The following ZNF611 variants were observed in gnomAD, a reference collection of about 807,000 sequenced individuals.
The protein encoded by ZNF611 is zinc finger protein 611.
ZNF611 carries 6 observed loss-of-function variants against 8.9 expected under a neutral mutation model. The observed-to-expected ratio is 0.68, with a 90% CI of 0.37 to 1.34. The LOEUF is 1.34. ZNF611 is among the 40% of genes most tolerant of loss of function. The pLI, the probability that ZNF611 is intolerant of heterozygous loss-of-function variation, is 0.02. For synonymous variants in ZNF611, 262 were observed against 279.7 expected, an observed-to-expected ratio of 0.94 and a Z score of 0.63; for missense variants, 874 against 841.3, an observed-to-expected ratio of 1.04 and a Z score of -0.48.
chr19:52,705,890 T>C lies in ZNF611; in HGVS notation c.1165A>G (p.Lys389Glu), dbSNP rs767942045. The C allele has an allele frequency of 6.2e-7, 1 of 1,614,112 alleles. No individual in the cohort carries two copies. Among genetic ancestry groups the C allele is most frequent in the Non-Finnish European group, 8.5e-7 (1 of 1,179,938 alleles). Residue 389 changes from lysine (K) to glutamate (E), a missense_variant, in exon 6 of 6, where the codon AAG becomes GAG. Coordinates refer to ENST00000652185, the MANE Select transcript of ZNF611 (RefSeq NM_001161499.2). ...FSRKSTIETH[K>E]RIHTGEKPYR... ...GGTTTCTCTCCAGTATGAATTCTCT[T>C]ATGTGTCTCAATGGTTGATTTCCGA... is the stretch of plus-strand genomic sequence containing the variant.
chr19:52,717,758 A>AT, intron 3 of ZNF611: 2 of 893,288 alleles, frequency 2.2e-6, no homozygotes, highest in Non-Finnish European at 2.7e-6. Context: ...ACAGATCACC[A>AT]TTTTTTCAGA....
chr19:52,728,641 A>G (rs902992505), intron 3 of ZNF611, 89 bp downstream of exon 3: 1 of 152,200 alleles, frequency 6.6e-6, no homozygotes, highest in Non-Finnish European at 1.5e-5. Context: ...AAATGAAAGG[A>G]AAGAAAATCT....
At chr19:52,731,828 G>T (rs563292858) in intron 1 of ZNF611, among the ~76,000 whole-genome samples, 1 of 152,044 alleles carries the variant, frequency 6.6e-6, no homozygotes, top group East Asian at 1.9e-4. Flanking sequence ...AAAATTAGCC[G>T]AGCGTGGTGG....
At chr19:52,722,549 C>T (rs1229162258) in intron 3 of ZNF611, among the ~76,000 whole-genome samples, 2 of 152,130 alleles carry the variant, frequency 1.3e-5, no homozygotes, top group African/African-American at 4.8e-5. Context: ...ATAGGGATTC[C>T]AAGTGGAAGC....
chr19:52,716,133 C>T, intron 3 of ZNF611: 1 of 525,440 alleles, frequency 1.9e-6, no homozygotes, highest in East Asian at 3.2e-5. Context: ...GAAGCCACCA[C>T]ACACGAGGCA....
chr19:52,705,487 G>C lies in ZNF611; in HGVS notation c.1568C>G (p.Ser523Ter). ...ACCTATCTTATGTGTCTCAAGGCTT[G>C]ATTTACGACTGAAAACCTTTTCACA... is the stretch of plus-strand genomic sequence containing the variant. ...DECEKVFSRK[S>*]SLETHKIGHT... is the part of the protein sequence containing the mutation. The change falls in exon 6 of 6, where the codon TCA (serine) becomes TGA (stop). Residue 523 changes from serine to a stop codon, truncating the protein, a stop_gained. Transcript: ENST00000652185. LOFTEE classifies it low-confidence loss of function (END_TRUNC). The C allele has an allele frequency of 1.2e-6, 2 of 1,614,132 alleles. No homozygotes were observed. The highest frequency in any genetic ancestry group is 1.7e-6 in the Non-Finnish European group (2 of 1,180,024).
rs2062243991 is a variant in ZNF611, at chr19:52,706,291, C to T, written c.764G>A (p.Gly255Glu). 1.2e-6 allele frequency: 2 copies of T among 1,614,096 alleles called. No homozygotes were observed. The highest frequency in any genetic ancestry group is 1.7e-6 in the Non-Finnish European group (2 of 1,180,016). ...TACATCACATTTATATTGTTTGTCT[C>T]CTAAATGGGGTATCTGGTGTTTCCT... The part of the protein sequence containing the change: ...LLRKHQIPHL[G>E]DKQYKCDVCG... Residue 255 changes from glycine (G) to glutamate (E), a missense_variant, in exon 6 of 6, where the codon GGA becomes GAA. Coordinates refer to ENST00000652185, the MANE Select transcript of ZNF611 (RefSeq NM_001161499.2).
In ZNF611 at chr19:52,704,894, GGT is replaced by G. The variant is rs749593189; in HGVS notation, c.*41_*42del. 6.2e-7 allele frequency: 1 copy of G among 1,611,434 alleles called. No homozygotes were observed. Among genetic ancestry groups the G allele is most frequent in the Non-Finnish European group, 8.5e-7 (1 of 1,178,716 alleles). ...AGTATAAATTCTCCTATGTCTTTAA[GGT>G]GTGATTTCCAAATGGAAACTTTGTC... On this transcript the variant is annotated 3_prime_UTR_variant, in exon 6 of 6. Coordinates refer to ENST00000652185, the MANE Select transcript of ZNF611 (RefSeq NM_001161499.2).
At chr19:52,714,299 C>T (rs538364432) in intron 4 of ZNF611, among the ~76,000 whole-genome samples, 158 bp from the exon 5 acceptor site, 2 of 152,036 alleles carry the variant, frequency 1.3e-5, no homozygotes, top group South Asian at 2.1e-4. Context: ...CCTATAGTTG[C>T]GTTTTATTGT....
chr19:52,704,430 A>G lies in ZNF611; in HGVS notation c.*507T>C. 2 of 709,766 alleles carry G rather than the reference A, an allele frequency of 2.8e-6. No individual in the cohort carries two copies. The highest frequency in any genetic ancestry group is 2.8e-5 in the South Asian group (2 of 70,472). 44.0% of individuals were successfully genotyped at this position (709,766 alleles called of 1,614,324 possible). A position where few individuals can be genotyped will look rare whatever the true frequency, so the allele number is the denominator to read the frequency against. ...AAGCAAAGGCTTTGCCACAATCATC[A>G]CACTTGTGAGGTTTCTCTCCTGTAT... is the stretch of plus-strand genomic sequence containing the variant. On this transcript the variant is annotated 3_prime_UTR_variant, in exon 6 of 6. Transcript: ENST00000652185.
rs377060113 is a variant in ZNF611, at chr19:52,711,813, T to A, written c.190+2202A>T. On this transcript the variant is annotated intron_variant, in intron 5 of 5. Coordinates refer to ENST00000652185, the MANE Select transcript of ZNF611 (RefSeq NM_001161499.2). ...TCACGGGGAAATTGGGGTGTTCACT[T>A]TTACAAAGTCAATAGGCTGGTATTT... is the stretch of plus-strand genomic sequence containing the variant. Among the ~76,000 whole-genome samples the A allele has an allele frequency of 9.2e-3, 1,368 of 148,962 alleles. 10 individuals carry two copies. The highest frequency in any genetic ancestry group is 0.014 in the Middle Eastern group (4 of 294).
At chr19:52,709,327 C>T (rs992996893) in intron 5 of ZNF611, among the ~76,000 whole-genome samples, 14 of 151,910 alleles carry the variant, frequency 9.2e-5, no homozygotes, top group Admixed American at 2.0e-4. Flanking sequence ...GCCTGGAGTG[C>T]GGTGGTGCAA....
At chr19:52,729,729 T>C (rs1600336114) in intron 2 of ZNF611, 177 bp downstream of exon 2, 2 of 151,944 alleles carry the variant, frequency 1.3e-5, no homozygotes, top group South Asian at 4.1e-4. Context: ...AGCAAGCAAA[T>C]AAGTACATTT....
At chr19:52,732,265 A>G (rs898408981) in intron 1 of ZNF611, among the ~76,000 whole-genome samples, 3 of 151,860 alleles carry the variant, frequency 2.0e-5, no homozygotes, top group Non-Finnish European at 4.4e-5. Context: ...GCAAAACTCC[A>G]TCTCAAAAAA....
At chr19:52,731,016 C>T (rs879294600) in intron 1 of ZNF611, among the ~76,000 whole-genome samples, 3 of 152,220 alleles carry the variant, frequency 2.0e-5, no homozygotes, top group Admixed American at 2.0e-4. Flanking sequence ...CTGCCTCAGC[C>T]TCCCAAGTAG....
intron 5 of ZNF611, among the ~76,000 whole-genome samples, chr19:52,708,988 A>G (rs1031973357): frequency 2.6e-5 from 4 of 152,242 alleles, no homozygotes; most frequent in African/African-American, 4.8e-5. Flanking sequence ...TGCATAAAAT[A>G]TAAAACATAG....
At chr19:52,718,930 T>C (rs1415838763) in intron 3 of ZNF611, among the ~76,000 whole-genome samples, 1 of 152,186 alleles carries the variant, frequency 6.6e-6, no homozygotes, top group African/African-American at 2.4e-5. Flanking sequence ...CCCAGCACTT[T>C]GGGAGGCCAA....
chr19:52,715,920 G>C lies in ZNF611; in HGVS notation c.-19-7C>G. On this transcript the variant is annotated splice_region_variant and splice_polypyrimidine_tract_variant and intron_variant, in intron 3 of 5. Transcript: ENST00000652185. ...GAGTCTTTAGGAATCAATCCTGTAT[G>C]TGAAAAAAAATGAGACTTCATGTTA... is the stretch of plus-strand genomic sequence containing the variant. 1 of 1,609,032 alleles carries C rather than the reference G, an allele frequency of 6.2e-7. No homozygotes were observed. The highest frequency in any genetic ancestry group is 8.5e-7 in the Non-Finnish European group (1 of 1,178,522).
chr19:52,720,138 A>C (rs1399320373), intron 3 of ZNF611, among the ~76,000 whole-genome samples: 1 of 152,252 alleles, frequency 6.6e-6, no homozygotes, highest in South Asian at 2.1e-4. Context: ...TTCTTAGTAC[A>C]GAACAAAATA....
Sources: allele counts gnomAD v4.1 joint callset (sites outside exome capture counted in the v4.1 genomes callset), GRCh38; gene constraint gnomAD v4.1.1; transcripts MANE v1.5; gene names NCBI Gene and HGNC (gene_info 2026-07-23, HGNC 2026-07-21).